The following ABCD4 variants were observed in gnomAD, a reference collection of about 807,000 sequenced individuals.
ABCD4 encodes the protein lysosomal cobalamin transporter ABCD4.
In ABCD4, 53 loss-of-function variants were observed where a neutral mutation model predicts 86.3. The observed-to-expected ratio is 0.61, with a 90% confidence interval of 0.49 to 0.77. ABCD4 has a LOEUF of 0.77. Among genes scored for constraint, ABCD4 ranks in the 30% least tolerant of loss-of-function variants. The probability of loss-of-function intolerance (pLI) is 0.00; values close to 1 mark genes in which losing one functional copy is unlikely to be tolerated. For synonymous variants in ABCD4, 328 were observed against 313.6 expected (o/e 1.05, Z -0.49); for missense variants, 757 against 764.5 (o/e 0.99, Z 0.12).
Position 74,286,245 on chromosome 14 carries a change from C to T in ABCD4, c.*216G>A. On this transcript the variant is annotated 3_prime_UTR_variant, in exon 19 of 19. Coordinates refer to ENST00000356924, the MANE Select transcript of ABCD4 (RefSeq NM_005050.4). ...GAGGCTCTGGCTGAGGCAGCAGAGT[C>T]CTGGGAGACTGAACACTGGGAGATT... 1.8e-6 allele frequency: 1 copy of T among 563,902 alleles called. No individual in the cohort carries two copies. The highest frequency in any genetic ancestry group is 3.0e-5 in the East Asian group (1 of 33,546). The allele number at this position is 563,902 out of a possible 1,614,324, so 34.9% of individuals were successfully genotyped here.
chr14:74,291,562 C>G (rs1034781433), intron 11 of ABCD4, among the ~76,000 whole-genome samples: 1 of 152,236 alleles, frequency 6.6e-6, no homozygotes, highest in Non-Finnish European at 1.5e-5. Context: ...TGGCTCCCCA[C>G]AGAACAGCAA....
chr14:74,292,483 T>C, intron 10 of ABCD4, 68 bp downstream of exon 10: 2 of 1,596,522 alleles, frequency 1.3e-6, no homozygotes, highest in Non-Finnish European at 8.6e-7. Flanking sequence ...GTTCCTTTTT[T>C]CACTCAGCCA....
chr14:74,293,522 C>A, intron 7 of ABCD4: 1 of 339,826 alleles, frequency 2.9e-6, no homozygotes, highest in Non-Finnish European at 5.3e-6. Context: ...GCTACTTAAG[C>A]CTCCAAGCCT....
At chr14:74,295,064 G>A in intron 7 of ABCD4, 84 bp downstream of exon 7, 3 of 1,527,806 alleles carry the variant, frequency 2.0e-6, no homozygotes, top group Non-Finnish European at 1.8e-6. Flanking sequence ...GAGCTCGGTG[G>A]TGGTGGGAGG....
intron 7 of ABCD4, 41 bp downstream of exon 7, chr14:74,295,105 CAG>C: frequency 6.2e-7 from 1 of 1,610,028 alleles, no homozygotes; most frequent in Non-Finnish European, 8.5e-7. Flanking sequence ...TCTCCACTCT[CAG>C]CTCTGGCAAG....
chr14:74,296,238 G>A lies in ABCD4; in HGVS notation c.542+95C>T, dbSNP rs1017059010. The A allele has an allele frequency of 3.1e-5, 41 of 1,312,868 alleles. No individual in the cohort carries two copies. In the Admixed American group the frequency reaches 4.8e-4, roughly 15 times the overall value. 81.3% of individuals were successfully genotyped at this position (1,312,868 alleles called of 1,614,324 possible). A position where few individuals can be genotyped will look rare whatever the true frequency, so the allele number is the denominator to read the frequency against. ...GAGCACGTGGTAAGGTACGGTGGGA[G>A]AGAGGGGAAATAAGCTTCTCTTGGA... On this transcript the variant is annotated intron_variant, in intron 5 of 18. Coordinates refer to ENST00000356924, the MANE Select transcript of ABCD4 (RefSeq NM_005050.4).
intron 17 of ABCD4, among the ~76,000 whole-genome samples, chr14:74,287,491 C>G (rs2080089618): frequency 6.8e-6 from 1 of 148,114 alleles, no homozygotes; most frequent in South Asian, 2.1e-4. Flanking sequence ...GAGTTCCAGG[C>G]TGCACTGAGC....
rs754003784 is a variant in ABCD4 at position 74,302,934 on chromosome 14, T to G, written c.-22A>C. On this transcript the variant is annotated 5_prime_UTR_variant, in exon 1 of 19. Coordinates refer to ENST00000356924, the MANE Select transcript of ABCD4 (RefSeq NM_005050.4). Reference sequence around the variant, plus strand: ...CCATGACCTGAGACCCGAGGGACTCTGGAGCCCAGCTGCCCCTAGTTCAGT... The same window carrying G: ...CCATGACCTGAGACCCGAGGGACTCGGGAGCCCAGCTGCCCCTAGTTCAGT... The G allele has an allele frequency of 6.2e-7, 1 of 1,606,606 alleles. No homozygotes were observed. The highest frequency in any genetic ancestry group is 1.3e-5 in the African/African-American group (1 of 74,464).
chr14:74,298,137 G>T, intron 3 of ABCD4, 68 bp from the exon 4 acceptor site: 12 of 1,573,252 alleles, frequency 7.6e-6, no homozygotes, highest in Non-Finnish European at 1.0e-5. Flanking sequence ...AAAGCTCAAG[G>T]CTCGCAAGAG....
chr14:74,298,001 GT>G lies in ABCD4; in HGVS notation c.353del (p.His118ProfsTer71). 6.2e-7 allele frequency: 1 copy of G among 1,614,062 alleles called. No individual in the cohort carries two copies. On this transcript the variant is annotated frameshift_variant, in exon 4 of 19. Transcript: ENST00000356924. LOFTEE classifies it high-confidence loss of function. The stretch of plus-strand genomic sequence containing the variant: ...GGCCCCGGAAGTAGAGGCGGTGAAG[GT>G]GCTCAGTGAGGTCCTTCCTCCAGCT... Reference protein sequence around the residue: ...YVSWRKDLTEHLHRLYFRGRA... With the variant: ...YVSWRKDLTEXLHRLYFRGRA...
chr14:74,292,841 G>T lies in ABCD4; in HGVS notation c.843C>A (p.Gly281=). Residue 281 remains glycine, a synonymous_variant, in exon 9 of 19, where the codon GGC becomes GGA. Coordinates refer to ENST00000356924, the MANE Select transcript of ABCD4 (RefSeq NM_005050.4). Reference sequence around the variant, plus strand: ...CGATGACAACGTAACTCAGGATGCTGCCCAGATAGTCAAAGGTGTTGATGC... The same window carrying T: ...CGATGACAACGTAACTCAGGATGCTTCCCAGATAGTCAAAGGTGTTGATGC... The part of the protein sequence containing the change: ...YIGINTFDYL[G]SILSYVVIAI... 6.2e-7 allele frequency: 1 copy of T among 1,614,150 alleles called. No homozygotes were observed. The highest frequency in any genetic ancestry group is 2.2e-5 in the East Asian group (1 of 44,886).
chr14:74,286,562 C>A, intron 18 of ABCD4, 33 bp from the exon 19 acceptor site: 1 of 1,614,152 alleles, frequency 6.2e-7, no homozygotes, highest in Non-Finnish European at 8.5e-7. Context: ...GGAGATCAGG[C>A]TGCCCTGGCC....
rs142125115 is a variant in ABCD4, at chr14:74,295,127, G to T, written c.719+21C>A. 79 of 1,613,868 alleles carry T rather than the reference G, an allele frequency of 4.9e-5. No individual in the cohort carries two copies. The highest frequency in any genetic ancestry group is 3.3e-4 in the Middle Eastern group (2 of 6,060). ...TCTCAGCTCTGGCAAGGCAGAAGGG[G>T]AACCATCTCTCCAGACTCACCTGTA... is the stretch of plus-strand genomic sequence containing the variant. On this transcript the variant is annotated intron_variant, in intron 7 of 18. Coordinates refer to ENST00000356924, the MANE Select transcript of ABCD4 (RefSeq NM_005050.4).
chr14:74,290,442 G>C lies in ABCD4; in HGVS notation c.1176C>G (p.Val392=). The change falls in exon 12 of 19, where the codon GTC becomes GTG. Residue 392 remains valine (V), a synonymous_variant. Coordinates refer to ENST00000356924, the MANE Select transcript of ABCD4 (RefSeq NM_005050.4). ...PADTAFLLER[V]SISAPSSDKP... is the part of the protein sequence containing the mutation. ...TGTCAGAGGAGGGGGCAGAGATGGA[G>C]ACCCGCTCAAGGAGAAATGCTGTGT... The C allele has an allele frequency of 1.2e-6, 2 of 1,614,124 alleles. No homozygotes were observed. The highest frequency in any genetic ancestry group is 1.7e-6 in the Non-Finnish European group (2 of 1,180,040).
At chr14:74,299,784 G>A (rs781223623) in intron 2 of ABCD4, 109 bp from the exon 3 acceptor site, 186 of 1,157,346 alleles carry the variant, frequency 1.6e-4, no homozygotes, top group South Asian at 2.6e-4. Flanking sequence ...AAAAGGGGCC[G>A]GGCGCGGTGG....
intron 1 of ABCD4, among the ~76,000 whole-genome samples, chr14:74,301,837 T>C (rs2084647222): frequency 6.6e-6 from 1 of 152,000 alleles, no homozygotes; most frequent in Non-Finnish European, 1.5e-5. Context: ...AGGCGGAGGT[T>C]GCAGTGAGCC....
chr14:74,290,572 C>A, intron 11 of ABCD4, 73 bp from the exon 12 acceptor site: 2 of 1,154,446 alleles, frequency 1.7e-6, no homozygotes, highest in Admixed American at 1.7e-5. Flanking sequence ...GCACTGCTCC[C>A]GGGAGCCACC....
Position 74,292,591 on chromosome 14 carries a change from G to A in ABCD4, c.988C>T (p.Leu330=). 6.2e-7 allele frequency: 1 copy of A among 1,614,052 alleles called. No homozygotes were observed. The highest frequency in any genetic ancestry group is 2.2e-5 in the East Asian group (1 of 44,878). Residue 330 remains leucine (L), a synonymous_variant, in exon 10 of 19, where the codon CTG becomes TTG. Transcript: ENST00000356924. ...GCCACATCTGAGAGCGTCGTGGACA[G>A]GTCGATGAGCTGGGTGAAGCAGCTG... The part of the protein sequence containing the change: ...LISCFTQLID[L]STTLSDVAGY...
chr14:74,292,666 A>G (rs1234425151), intron 9 of ABCD4, 24 bp from the exon 10 acceptor site: 2 of 1,613,984 alleles, frequency 1.2e-6, no homozygotes, highest in Non-Finnish European at 1.7e-6. Context: ...GAAGAGGTCA[A>G]GCAGGTCTCG....
Sources: gnomAD v4.1 joint callset for allele counts (sites outside exome capture counted in the v4.1 genomes callset) on GRCh38, gnomAD v4.1.1 for gene constraint, MANE v1.5 for transcripts, NCBI Gene and HGNC (gene_info 2026-07-23, HGNC 2026-07-21) for gene names.